The following CXCL14 variants were observed in gnomAD, a reference collection of about 807,000 sequenced individuals.
CXCL14 encodes C-X-C motif chemokine ligand 14, also known as C-X-C motif chemokine 14.
In CXCL14, 9 loss-of-function variants were observed where a neutral mutation model predicts 16.1. The ratio of observed to expected loss-of-function variants is 0.56; its 90% CI spans 0.34 to 0.97. CXCL14 has a LOEUF of 0.97. Ranked by LOEUF, CXCL14 falls within the 50% of genes least tolerant of loss-of-function variation. CXCL14 has a pLI of 0.02. For synonymous variants in CXCL14, 55 were observed against 52.8 expected, an observed-to-expected ratio of 1.04 and a Z score of -0.18; for missense variants, 111 against 132.5, an observed-to-expected ratio of 0.84 and a Z score of 0.80.
intron 3 of CXCL14, 115 bp from the exon 4 acceptor site, chr5:135,571,983 A>G: frequency 1.0e-6 from 1 of 997,806 alleles, no homozygotes; most frequent in Non-Finnish European, 1.5e-6. Context: ...CCTGTCCCAG[A>G]ACTGCAGGAA....
Position 135,577,127 on chromosome 5 carries a change from G to A in CXCL14, c.170+1307C>T, listed in dbSNP as rs770824922. 1.8e-3 allele frequency among the ~76,000 whole-genome samples: 272 copies of A among 152,286 alleles called. 4 individuals carry two copies. The highest frequency in any genetic ancestry group is 3.0e-3 in the Non-Finnish European group (206 of 68,022). On this transcript the variant is annotated intron_variant, in intron 2 of 3. Transcript: ENST00000512158. ...TTACTGAGGGCTCTGTCCTTTTTAG[G>A]TATCACTGCATCCTTTACCCTGCTT... is the stretch of plus-strand genomic sequence containing the variant.
intron 2 of CXCL14, among the ~76,000 whole-genome samples, chr5:135,577,815 G>A (rs1168045286): frequency 6.6e-6 from 1 of 152,200 alleles, no homozygotes; most frequent in Non-Finnish European, 1.5e-5. Context: ...ACCAAGCAGG[G>A]CTCCAGCCAT....
intron 1 of CXCL14, 49 bp from the exon 2 acceptor site, chr5:135,578,588 C>G: frequency 6.2e-7 from 1 of 1,603,562 alleles, no homozygotes; most frequent in Non-Finnish European, 8.5e-7. Context: ...GGTCTCCTGC[C>G]CCTCGACCAC....
chr5:135,571,118 T>C lies in CXCL14; in HGVS notation c.*735A>G, dbSNP rs1751019318. On this transcript the variant is annotated 3_prime_UTR_variant, in exon 4 of 4. Coordinates refer to ENST00000512158, the MANE Select transcript of CXCL14 (RefSeq NM_004887.5). ...TCACATGCTTCTGAAGCATTAAATATTGAACCTGTGAACCTTTCAGAAATC... is the reference window on the plus strand; with the variant it reads ...TCACATGCTTCTGAAGCATTAAATACTGAACCTGTGAACCTTTCAGAAATC... The C allele has an allele frequency of 1.3e-5, 2 of 152,250 alleles. No homozygotes were observed. The highest frequency in any genetic ancestry group is 4.8e-5 in the African/African-American group (2 of 41,464). 9.4% of individuals were successfully genotyped at this position (152,250 alleles called of 1,614,324 possible).
chr5:135,575,706 C>T (rs573805677), intron 2 of CXCL14, among the ~76,000 whole-genome samples: 139 of 152,334 alleles, frequency 9.1e-4, no homozygotes, highest in South Asian at 2.7e-3. Flanking sequence ...TTCTGAGCAC[C>T]TCTAGGCCAC....
In CXCL14 at chr5:135,570,690, T is replaced by C. The variant is rs1485426032; in HGVS notation, c.*1163A>G. 3 of 152,222 alleles carry C rather than the reference T, an allele frequency of 2.0e-5. No individual in the cohort carries two copies. Among genetic ancestry groups the C allele is most frequent in the Non-Finnish European group, 4.4e-5 (3 of 68,040 alleles). The allele number at this position is 152,222 out of a possible 1,614,324, so 9.4% of individuals were successfully genotyped here. ...GTGGCAGTCTAGAATTTTGGTACAT[T>C]TCAAATATATTTTATTACTTTCCAT... On this transcript the variant is annotated 3_prime_UTR_variant, in exon 4 of 4. Transcript: ENST00000512158.
At position 135,574,650 on chromosome 5, in the gene CXCL14, T is replaced by C; in HGVS notation, c.206A>G (p.Gln69Arg). 1 of 1,613,828 alleles carries C rather than the reference T, an allele frequency of 6.2e-7. No individual in the cohort carries two copies. The highest frequency in any genetic ancestry group is 8.5e-7 in the Non-Finnish European group (1 of 1,179,954). Residue 69 changes from glutamine (Q) to arginine (R), a missense_variant, in exon 3 of 4, where the codon CAG becomes CGG. Gln to Arg is a conservative substitution (Grantham distance 43). Coordinates refer to ENST00000512158, the MANE Select transcript of CXCL14 (RefSeq NM_004887.5). ...CAGCTTGGGGTGCAGGCAGTGCTCCTGACCTCGGTACCTGGACACGCTCTT... is the reference window on the plus strand; with the variant it reads ...CAGCTTGGGGTGCAGGCAGTGCTCCCGACCTCGGTACCTGGACACGCTCTT... ...TTKSVSRYRG[Q>R]EHCLHPKLQS...
At position 135,571,890 on chromosome 5, in the gene CXCL14, G is replaced by A. The variant is rs245115; in HGVS notation, c.285-22C>T. On this transcript the variant is annotated intron_variant, in intron 3 of 3. Coordinates refer to ENST00000512158, the MANE Select transcript of CXCL14 (RefSeq NM_004887.5). The stretch of plus-strand genomic sequence containing the variant: ...GACCCTGGGGAGAAAAAACACATGT[G>A]TAAGTGGCTCAGGACATGAGGCAGG... 3,817 of 1,612,100 alleles carry A rather than the reference G, an allele frequency of 2.4e-3. 9 individuals are homozygous for A. Among genetic ancestry groups the A allele is most frequent in the Non-Finnish European group, 2.9e-3 (3,461 of 1,179,108 alleles).
chr5:135,575,902 G>T (rs2126865509), intron 2 of CXCL14, among the ~76,000 whole-genome samples: 1 of 152,300 alleles, frequency 6.6e-6, no homozygotes, highest in Middle Eastern at 3.4e-3. Context: ...AGAGTGAGAA[G>T]AGAGGGACAG....
At chr5:135,572,757 C>G (rs1332653872) in intron 3 of CXCL14, among the ~76,000 whole-genome samples, 1 of 152,250 alleles carries the variant, frequency 6.6e-6, no homozygotes, top group East Asian at 1.9e-4. Flanking sequence ...CAGAGCTCCT[C>G]TGTGTGGCCC....
intron 3 of CXCL14, 74 bp downstream of exon 3, chr5:135,574,498 G>C (rs969674375): frequency 3.0e-5 from 35 of 1,175,978 alleles, no homozygotes; most frequent in Non-Finnish European, 4.2e-5. Context: ...ATGACCTGGT[G>C]GGGGGGTCCC....
intron 2 of CXCL14, 82 bp from the exon 3 acceptor site, chr5:135,574,767 G>C: frequency 8.6e-7 from 1 of 1,158,162 alleles, no homozygotes; most frequent in Admixed American, 1.8e-5. Flanking sequence ...GTAGCCCTGG[G>C]CTAAGTCAGG....
chr5:135,574,807 T>G, intron 2 of CXCL14, 122 bp from the exon 3 acceptor site: 1 of 773,200 alleles, frequency 1.3e-6, no homozygotes, highest in East Asian at 2.6e-5. Flanking sequence ...TCCTGCCTCC[T>G]CTCAAGGGAG....
chr5:135,578,315 T>A lies in CXCL14; in HGVS notation c.170+119A>T, dbSNP rs1751146396. ...CTCTCTGGGCAATTACAAAGGCTTT[T>A]CCAGGGCCTTGACAAAGTCGGAGAG... On this transcript the variant is annotated intron_variant, in intron 2 of 3. Transcript: ENST00000512158. 6.0e-6 allele frequency: 5 copies of A among 837,890 alleles called. No homozygotes were observed. In the Admixed American group the frequency reaches 6.2e-5, roughly 10 times the overall value. The allele number at this position is 837,890 out of a possible 1,614,324, so 51.9% of individuals were successfully genotyped here.
At chr5:135,576,093 G>A (rs183816037) in intron 2 of CXCL14, among the ~76,000 whole-genome samples, 11 of 152,308 alleles carry the variant, frequency 7.2e-5, no homozygotes, top group African/African-American at 2.6e-4. Flanking sequence ...TCCCTTCTCC[G>A]TGCTCTGGGT....
intron 2 of CXCL14, among the ~76,000 whole-genome samples, chr5:135,576,287 C>A (rs1198963584): frequency 6.6e-6 from 1 of 152,220 alleles, no homozygotes; most frequent in Non-Finnish European, 1.5e-5. Flanking sequence ...TGCCCAGTCA[C>A]CCTGCAGGAA....
At chr5:135,574,505 T>C in intron 3 of CXCL14, 67 bp downstream of exon 3, 1 of 1,297,228 alleles carries the variant, frequency 7.7e-7, no homozygotes, top group Non-Finnish European at 1.1e-6. Flanking sequence ...GGTGGGGGGG[T>C]CCCTTCCCAT....
At chr5:135,575,441 T>C (rs1168020807) in intron 2 of CXCL14, among the ~76,000 whole-genome samples, 1 of 152,224 alleles carries the variant, frequency 6.6e-6, no homozygotes, top group African/African-American at 2.4e-5. Context: ...CAAATTTGGC[T>C]GTGGGACCTT....
chr5:135,578,241 A>AC lies in CXCL14; in HGVS notation c.170+192dup, dbSNP rs551840518. On this transcript the variant is annotated intron_variant, in intron 2 of 3. Coordinates refer to ENST00000512158, the MANE Select transcript of CXCL14 (RefSeq NM_004887.5). ...GGCGCTGTTCCGGAGCGGGACAGTG[A>AC]CCCCCCTTCCCGACTGTCTTCCAGA... Among the ~76,000 whole-genome samples, 1,068 of 151,824 alleles carry AC rather than the reference A, an allele frequency of 7.0e-3. 8 individuals are homozygous for AC. Among genetic ancestry groups the AC allele is most frequent in the African/African-American group, 0.024 (1,007 of 41,378 alleles).
Sources: gnomAD v4.1 joint callset for allele counts (sites outside exome capture counted in the v4.1 genomes callset) on GRCh38, gnomAD v4.1.1 for gene constraint, MANE v1.5 for transcripts, NCBI Gene and HGNC (gene_info 2026-07-23, HGNC 2026-07-21) for gene names.